The following RBFOX1 variants were observed in gnomAD, a reference collection of about 807,000 sequenced individuals.
The protein encoded by RBFOX1 is RNA binding protein fox-1 homolog 1.
RBFOX1 carries 8 observed loss-of-function variants against 57.7 expected under a neutral mutation model. The ratio of observed to expected loss-of-function variants is 0.14; its 90% CI spans 0.08 to 0.25. RBFOX1 has a LOEUF of 0.25. Among genes scored for constraint, RBFOX1 ranks in the 10% least tolerant of loss-of-function variants. The probability of loss-of-function intolerance (pLI) is 1.00; values close to 1 mark genes in which losing one functional copy is unlikely to be tolerated. For missense variants in RBFOX1, 611 were observed against 548.5 expected (o/e 1.11, Z -1.14); for synonymous variants, 326 against 222.4 (o/e 1.47, Z -4.15).
intron 1 of RBFOX1, among the ~76,000 whole-genome samples, chr16:6,278,192 C>T (rs2076023231): frequency 6.6e-6 from 1 of 152,098 alleles, no homozygotes; most frequent in Non-Finnish European, 1.5e-5. Context: ...TTTGTGACCA[C>T]GTTGCCCCTT....
chr16:7,267,302 A>T (rs532742464), intron 4 of RBFOX1, among the ~76,000 whole-genome samples: 1 of 152,118 alleles, frequency 6.6e-6, no homozygotes, highest in Admixed American at 6.5e-5. Context: ...TCGGAGGCCA[A>T]AGGGGGCGGA....
At chr16:6,261,848 AC>A (rs1215912052) in intron 1 of RBFOX1, among the ~76,000 whole-genome samples, 1 of 146,844 alleles carries the variant, frequency 6.8e-6, no homozygotes, top group Non-Finnish European at 1.5e-5. Context: ...ATACCAAAAA[AC>A]AAAACAAAAC....
At chr16:6,938,665 T>C (rs1032799640) in intron 3 of RBFOX1, among the ~76,000 whole-genome samples, 27 of 152,162 alleles carry the variant, frequency 1.8e-4, no homozygotes, top group African/African-American at 4.6e-4. Flanking sequence ...AATTGTATTT[T>C]TGGTAGAATT....
chr16:7,640,263 C>G (rs184523665), intron 11 of RBFOX1, among the ~76,000 whole-genome samples: 3 of 152,312 alleles, frequency 2.0e-5, no homozygotes, highest in Admixed American at 2.0e-4. Context: ...CTAGTAGAAC[C>G]TCTCACCCCC....
At chr16:6,385,574 G>C (rs2092204608) in intron 2 of RBFOX1, among the ~76,000 whole-genome samples, 1 of 152,156 alleles carries the variant, frequency 6.6e-6, no homozygotes. Context: ...TGGCCAGGCT[G>C]GTCTCAAACT....
intron 4 of RBFOX1, among the ~76,000 whole-genome samples, chr16:7,204,666 G>C (rs1261666520): frequency 6.6e-6 from 1 of 152,070 alleles, no homozygotes; most frequent in Admixed American, 6.6e-5. Flanking sequence ...AAATGAAAAA[G>C]TTCCTCACTG....
chr16:7,233,510 A>C (rs369854550), intron 4 of RBFOX1, among the ~76,000 whole-genome samples: 4 of 152,336 alleles, frequency 2.6e-5, no homozygotes, highest in African/African-American at 9.6e-5. Flanking sequence ...TTGTTAAATG[A>C]GATCAATGTG....
At chr16:5,800,253 T>A (rs1291058592) in intron 3 of RBFOX1, among the ~76,000 whole-genome samples, 2 of 152,130 alleles carry the variant, frequency 1.3e-5, no homozygotes, top group Admixed American at 1.3e-4. Flanking sequence ...TCCAATGGTG[T>A]GTAGCCTAAT....
chr16:7,244,037 C>T (rs879343049), intron 4 of RBFOX1, among the ~76,000 whole-genome samples: 3 of 151,854 alleles, frequency 2.0e-5, no homozygotes, highest in Non-Finnish European at 4.4e-5. Context: ...TCAAAATGAT[C>T]TTTGTTTTCA....
chr16:5,244,880 A>G (rs994676013), intron 1 of RBFOX1, among the ~76,000 whole-genome samples: 21 of 152,334 alleles, frequency 1.4e-4, no homozygotes, highest in African/African-American at 4.3e-4. Context: ...CCCTGCAGGG[A>G]AGCAAGTCTT....
chr16:7,099,143 A>G (rs181060509), intron 4 of RBFOX1, among the ~76,000 whole-genome samples: 1 of 151,994 alleles, frequency 6.6e-6, no homozygotes, highest in East Asian at 1.9e-4. Flanking sequence ...GTAGCTGTTT[A>G]CTAAAAGTTA....
intron 4 of RBFOX1, among the ~76,000 whole-genome samples, chr16:5,916,580 C>T (rs1440713080): frequency 1.3e-5 from 2 of 152,072 alleles, no homozygotes; most frequent in Non-Finnish European, 2.9e-5. Context: ...GGTGCTGGGT[C>T]CTCCACTGCT....
At chr16:5,780,111 C>G (rs11644030) in intron 3 of RBFOX1, among the ~76,000 whole-genome samples, 42,056 of 152,134 alleles carry the variant, frequency 0.28, 6,272 homozygotes, top group East Asian at 0.55. Flanking sequence ...TTAAGGAGTT[C>G]TCTGCCTCAG....
rs181596080 is a variant in RBFOX1 at position 7,620,934 on chromosome 16, T to A, written c.677-9669T>A. 8.5e-5 allele frequency among the ~76,000 whole-genome samples: 13 copies of A among 152,304 alleles called. No homozygotes were observed. The East Asian group carries it at 1.9e-3, about 23-fold the overall frequency. On this transcript the variant is annotated intron_variant, in intron 10 of 15. Coordinates refer to ENST00000550418, the MANE Select transcript of RBFOX1 (RefSeq NM_018723.4). The stretch of plus-strand genomic sequence containing the variant: ...AACCTAGGGCCACCTTAATGGGCAC[T>A]GTCAATATTAGCTGTACATGAGGTT...
At chr16:7,000,255 A>C (rs772325498) in intron 3 of RBFOX1, among the ~76,000 whole-genome samples, 6 of 152,124 alleles carry the variant, frequency 3.9e-5, no homozygotes, top group Admixed American at 6.5e-5. Context: ...TCATTGTTCA[A>C]GTCTACCTGA....
chr16:5,390,945 G>A (rs992497592), intron 1 of RBFOX1, among the ~76,000 whole-genome samples: 1 of 152,154 alleles, frequency 6.6e-6, no homozygotes, highest in Non-Finnish European at 1.5e-5. Flanking sequence ...TGCGTTTGGG[G>A]GCCTTATTAA....
intron 4 of RBFOX1, among the ~76,000 whole-genome samples, chr16:7,190,408 G>T (rs940566233): frequency 1.3e-5 from 2 of 152,056 alleles, no homozygotes; most frequent in African/African-American, 2.4e-5. Context: ...TTCCCTCATT[G>T]TTTTTGTTGT....
intron 3 of RBFOX1, among the ~76,000 whole-genome samples, chr16:5,706,401 G>A (rs1037973320): frequency 6.6e-6 from 1 of 152,204 alleles, no homozygotes; most frequent in Non-Finnish European, 1.5e-5. Context: ...GCACTGCCTT[G>A]CTTCTTGTTT....
chr16:7,553,204 G>A (rs972867934), intron 5 of RBFOX1, among the ~76,000 whole-genome samples: 2 of 152,024 alleles, frequency 1.3e-5, no homozygotes, highest in Non-Finnish European at 2.9e-5. Flanking sequence ...GAGTGCAGTG[G>A]TGCAATCATA....
Sources: gnomAD v4.1 joint callset for allele counts (sites outside exome capture counted in the v4.1 genomes callset) on GRCh38, gnomAD v4.1.1 for gene constraint, MANE v1.5 for transcripts, NCBI Gene and HGNC (gene_info 2026-07-23, HGNC 2026-07-21) for gene names.